AUTS2: variants seen among roughly 807,000 people sequenced by gnomAD.
The protein encoded by AUTS2 is autism susceptibility gene 2 protein.
AUTS2 carries 17 observed loss-of-function variants against 112.4 expected under a neutral mutation model. That is an observed-to-expected ratio of 0.15 (90% CI 0.10 to 0.23). AUTS2 has a LOEUF of 0.23. AUTS2 is among the 10% of genes least tolerant of loss of function. The pLI, the probability that AUTS2 is intolerant of heterozygous loss-of-function variation, is 1.00. For missense variants in AUTS2, 1,510 were observed against 1,701.6 expected, an observed-to-expected ratio of 0.89 and a Z score of 1.98; for synonymous variants, 751 against 702.7, an observed-to-expected ratio of 1.07 and a Z score of -1.09.
At position 70,694,848 on chromosome 7, in the gene AUTS2, C is replaced by G. The variant is rs1808987194; in HGVS notation, c.691-3721C>G. 1 of 151,848 alleles carries G rather than the reference C, an allele frequency of 6.6e-6. No individual in the cohort carries two copies. Among genetic ancestry groups the G allele is most frequent in the South Asian group, 2.1e-4 (1 of 4,814 alleles). The allele number at this position is 151,848 out of a possible 1,614,324, so 9.4% of individuals were successfully genotyped here. ...GTTGCCCGGTTCGGATCTGGTTCGG[C>G]GCCTCCGCTCTCGGACTTTGGCGAG... On this transcript the variant is annotated intron_variant, in intron 5 of 18. Coordinates refer to ENST00000342771, the MANE Select transcript of AUTS2 (RefSeq NM_015570.4). The surrounding 1 kb of genome is among the most constrained non-coding windows in gnomAD (Gnocchi z 4.1).
intron 2 of AUTS2, among the ~76,000 whole-genome samples, chr7:69,989,145 C>T (rs1274446178): frequency 1.3e-5 from 2 of 152,188 alleles, no homozygotes; most frequent in Non-Finnish European, 2.9e-5. Context: ...TAATTTGTAA[C>T]TCCAGATAGT....
intron 5 of AUTS2, among the ~76,000 whole-genome samples, chr7:70,475,147 T>TG (rs1453811860): frequency 1.3e-5 from 2 of 152,254 alleles, no homozygotes; most frequent in Non-Finnish European, 2.9e-5. Context: ...ACACTCTCTC[T>TG]GCCCCATGGC....
intron 5 of AUTS2, among the ~76,000 whole-genome samples, chr7:70,611,337 T>C (rs1804082485): frequency 6.6e-6 from 1 of 152,192 alleles, no homozygotes; most frequent in Non-Finnish European, 1.5e-5. Flanking sequence ...CCTTCTGCGG[T>C]CTAGAATGTG....
At chr7:70,158,197 C>G (rs1475787682) in intron 4 of AUTS2, among the ~76,000 whole-genome samples, 1 of 151,658 alleles carries the variant, frequency 6.6e-6, no homozygotes, top group African/African-American at 2.4e-5. Flanking sequence ...CTTGACAAGT[C>G]TTGTTAAAGA....
chr7:70,184,366 C>G (rs562053603), intron 4 of AUTS2, among the ~76,000 whole-genome samples: 2 of 152,150 alleles, frequency 1.3e-5, no homozygotes, highest in African/African-American at 4.8e-5. Context: ...CCTCCAAGAA[C>G]AAGAATTTCT....
At chr7:69,772,508 A>G (rs929869676) in intron 1 of AUTS2, among the ~76,000 whole-genome samples, 3 of 152,180 alleles carry the variant, frequency 2.0e-5, no homozygotes, top group Non-Finnish European at 4.4e-5. Context: ...TGGCACGAAC[A>G]TTGCAACCTT....
At chr7:70,128,191 C>A (rs1038154711) in intron 3 of AUTS2, among the ~76,000 whole-genome samples, 3 of 152,128 alleles carry the variant, frequency 2.0e-5, no homozygotes, top group Non-Finnish European at 2.9e-5. Context: ...CCATTCCTGT[C>A]CCATACATTT....
intron 4 of AUTS2, among the ~76,000 whole-genome samples, chr7:70,383,372 A>G (rs1793459148): frequency 6.6e-6 from 1 of 152,168 alleles, no homozygotes; most frequent in Non-Finnish European, 1.5e-5. Flanking sequence ...GGATTGACCT[A>G]AAGTCCCATA....
chr7:70,229,818 T>G (rs551920423), intron 4 of AUTS2, among the ~76,000 whole-genome samples: 1 of 152,300 alleles, frequency 6.6e-6, no homozygotes, highest in South Asian at 2.1e-4. Flanking sequence ...GCACTGATTC[T>G]TTCTTCTGCC....
At chr7:70,403,256 G>A (rs903467624) in intron 4 of AUTS2, among the ~76,000 whole-genome samples, 3 of 152,316 alleles carry the variant, frequency 2.0e-5, no homozygotes, top group South Asian at 2.1e-4. Context: ...TCCAAAGCAT[G>A]GGAATAGCAC....
intron 5 of AUTS2, among the ~76,000 whole-genome samples, chr7:70,648,805 C>T (rs1263304022): frequency 6.6e-6 from 1 of 152,028 alleles, no homozygotes; most frequent in Non-Finnish European, 1.5e-5. Flanking sequence ...AAGCTGGTCT[C>T]GAACTCCTTA....
At chr7:69,704,801 TTCAG>T (rs574337696) in intron 1 of AUTS2, among the ~76,000 whole-genome samples, 2 of 152,224 alleles carry the variant, frequency 1.3e-5, no homozygotes, top group Non-Finnish European at 2.9e-5. Flanking sequence ...GAGATTCATA[TTCAG>T]TATTTTGATA....
At chr7:69,750,266 G>A (rs1787678250) in intron 1 of AUTS2, among the ~76,000 whole-genome samples, 1 of 151,856 alleles carries the variant, frequency 6.6e-6, no homozygotes, top group African/African-American at 2.4e-5. Context: ...CGATTTGAAG[G>A]TCTGACCCAC....
At chr7:70,161,999 G>A (rs898076328) in intron 4 of AUTS2, among the ~76,000 whole-genome samples, 6 of 151,934 alleles carry the variant, frequency 3.9e-5, no homozygotes, top group African/African-American at 9.7e-5. Flanking sequence ...TTCATTTTTT[G>A]GTTTTTGAGT....
intron 1 of AUTS2, among the ~76,000 whole-genome samples, chr7:69,648,790 A>G (rs570065748): frequency 4.6e-5 from 7 of 152,106 alleles, no homozygotes; most frequent in African/African-American, 2.4e-5. Flanking sequence ...TTCTTGTGGG[A>G]TTTTGTGAAG....
intron 1 of AUTS2, among the ~76,000 whole-genome samples, chr7:69,731,817 C>T (rs1347169117): frequency 1.3e-5 from 2 of 152,138 alleles, no homozygotes; most frequent in Non-Finnish European, 2.9e-5. Context: ...TCTGGGTTGT[C>T]ACTGGAACAG....
Position 70,763,126 on chromosome 7 carries a change from A to T in AUTS2, c.999A>T (p.Gln333His). The T allele has an allele frequency of 6.2e-7, 1 of 1,613,494 alleles. No individual in the cohort carries two copies. The highest frequency in any genetic ancestry group is 8.5e-7 in the Non-Finnish European group (1 of 1,179,868). Reference sequence around the variant, plus strand: ...TGCAGCGCACAGAGGCCCCACCTCAACCCCCACCTCTGAGTACACAGCCAC... The same window carrying T: ...TGCAGCGCACAGAGGCCCCACCTCATCCCCCACCTCTGAGTACACAGCCAC... ...DLVQRTEAPP[Q>H]PPPLSTQPPQ... The change falls in exon 7 of 19, where the codon CAA (glutamine) becomes CAT (histidine). Residue 333 changes from glutamine to histidine, a missense_variant. Transcript: ENST00000342771.
chr7:69,680,884 G>A (rs1376724100), intron 1 of AUTS2, among the ~76,000 whole-genome samples: 2 of 152,124 alleles, frequency 1.3e-5, no homozygotes, highest in Non-Finnish European at 2.9e-5. Context: ...TGGCCAGGCT[G>A]GCCTTGAACT....
intron 4 of AUTS2, among the ~76,000 whole-genome samples, chr7:70,163,985 G>T (rs1808249660): frequency 2.0e-5 from 3 of 152,206 alleles, no homozygotes; most frequent in African/African-American, 7.2e-5. Context: ...GCAGTCTACT[G>T]CTAGAGGAGT....
Sources: allele counts gnomAD v4.1 joint callset (sites outside exome capture counted in the v4.1 genomes callset), GRCh38; gene constraint gnomAD v4.1.1; non-coding constraint Gnocchi (gnomAD v3.1); transcripts MANE v1.5; gene names NCBI Gene and HGNC (gene_info 2026-07-23, HGNC 2026-07-21).